TSPEAR: variants seen among roughly 807,000 people sequenced by gnomAD.
TSPEAR encodes the protein thrombospondin type laminin G domain and EAR repeats.
A neutral mutation model predicts 71.6 loss-of-function variants in TSPEAR; 69 were observed. The observed-to-expected ratio is 0.96, with a 90% confidence interval of 0.79 to 1.18. The LOEUF (loss-of-function observed/expected upper bound fraction) is 1.18, where lower values mean the gene tolerates loss of function less well. Among genes scored for constraint, TSPEAR ranks in the 50% most tolerant of loss-of-function variants. TSPEAR has a pLI of 0.00. For missense variants in TSPEAR, 971 were observed against 894.9 expected (o/e 1.09, Z -1.09); for synonymous variants, 402 against 387.2 (o/e 1.04, Z -0.45).
At chr21:44,598,623 G>A (rs1054663786) in intron 1 of TSPEAR, among the ~76,000 whole-genome samples, 15 of 152,058 alleles carry the variant, frequency 9.9e-5, no homozygotes, top group Admixed American at 3.9e-4. Context: ...CACTTCCGCC[G>A]CTTCCAAAAC....
intron 1 of TSPEAR, among the ~76,000 whole-genome samples, chr21:44,608,460 C>T (rs139132589): frequency 5.1e-4 from 78 of 152,208 alleles, no homozygotes; most frequent in African/African-American, 1.5e-3. Context: ...TTTTTGTTTT[C>T]GTTACAAAAA....
At chr21:44,562,363 T>C (rs2053649025) in intron 2 of TSPEAR, among the ~76,000 whole-genome samples, 1 of 152,206 alleles carries the variant, frequency 6.6e-6, no homozygotes, top group Non-Finnish European at 1.5e-5. Flanking sequence ...CATTCCATCC[T>C]CATGGATAGG....
At position 44,509,526 on chromosome 21, in the gene TSPEAR, TGTGGGTGAGCGGGC is replaced by T. The variant is rs1555912379; in HGVS notation, c.1567-154_1567-141del. ...AGGTGTGGGGGAGGGGGCGCAGAGG[TGTGGGTGAGCGGGC>T]GCAGAGGTGTGGGTGAGCGGGCGCA... On this transcript the variant is annotated intron_variant, in intron 9 of 11. Transcript: ENST00000323084. 9.2e-6 allele frequency: 5 copies of T among 545,524 alleles called. No individual in the cohort carries two copies. The African/African-American group carries it at 1.3e-4, about 14-fold the overall frequency. 33.8% of individuals were successfully genotyped at this position (545,524 alleles called of 1,614,324 possible).
At position 44,533,720 on chromosome 21, in the gene TSPEAR, G is replaced by A. The variant is rs782151349; in HGVS notation, c.507C>T (p.Phe169=). 1.2e-6 allele frequency: 2 copies of A among 1,611,530 alleles called. No homozygotes were observed. ...GGAGGCCGCAGTCCGTGGTGAGGGA[G>A]AAGACGCCTGCGGACACAGCCAGGA... ...TLVLAVSAGV[F]SLTTDCGLPV... is the part of the protein sequence containing the mutation. The change falls in exon 3 of 12, where the codon TTC becomes TTT. Residue 169 remains phenylalanine, a synonymous_variant. Coordinates refer to ENST00000323084, the MANE Select transcript of TSPEAR (RefSeq NM_144991.3).
chr21:44,670,776 C>A (rs1227287705), intron 1 of TSPEAR, among the ~76,000 whole-genome samples: 1 of 152,174 alleles, frequency 6.6e-6, no homozygotes, highest in African/African-American at 2.4e-5. Flanking sequence ...TTTGAGAGCC[C>A]AGCCCCTAAA....
chr21:44,689,565 C>T (rs191340843), intron 1 of TSPEAR, among the ~76,000 whole-genome samples: 1 of 150,294 alleles, frequency 6.7e-6, no homozygotes, highest in Non-Finnish European at 1.5e-5. Flanking sequence ...ATCTACCAAA[C>T]AAGGACAAGA....
intron 2 of TSPEAR, among the ~76,000 whole-genome samples, chr21:44,541,153 A>T (rs1158438470): frequency 6.6e-6 from 1 of 152,052 alleles, no homozygotes; most frequent in Non-Finnish European, 1.5e-5. Flanking sequence ...CTTCAAACGT[A>T]AGCTGCATGT....
chr21:44,685,389 A>G (rs1307368999), intron 1 of TSPEAR, among the ~76,000 whole-genome samples: 3 of 151,924 alleles, frequency 2.0e-5, no homozygotes, highest in Non-Finnish European at 2.9e-5. Context: ...TCCCAAGTTC[A>G]GGGGCATCCT....
chr21:44,654,792 A>C (rs1985038205), intron 1 of TSPEAR: 1 of 581,642 alleles, frequency 1.7e-6, no homozygotes, highest in Non-Finnish European at 3.1e-6. Context: ...TTTTCTGTTG[A>C]GGTTACTCAG....
chr21:44,620,572 T>A (rs1982376368), intron 1 of TSPEAR, among the ~76,000 whole-genome samples: 1 of 152,248 alleles, frequency 6.6e-6, no homozygotes, highest in Non-Finnish European at 1.5e-5. Context: ...CTTTAATCAG[T>A]CTAGACAGAG....
At position 44,711,346 on chromosome 21, in the gene TSPEAR, G is replaced by T; in HGVS notation, c.82+87C>A. The T allele has an allele frequency of 2.4e-6, 3 of 1,264,032 alleles. No individual in the cohort carries two copies. Among genetic ancestry groups the T allele is most frequent in the African/African-American group, 1.5e-5 (1 of 67,644 alleles). 78.3% of individuals were successfully genotyped at this position (1,264,032 alleles called of 1,614,324 possible). Reference sequence around the variant, plus strand: ...TCCTCGGGCACCGCGGCTTGAATCAGTGTTAGAAAGTGGCATTTGTGACTC... The same window carrying T: ...TCCTCGGGCACCGCGGCTTGAATCATTGTTAGAAAGTGGCATTTGTGACTC... On this transcript the variant is annotated intron_variant, in intron 1 of 11. Transcript: ENST00000323084. This position sits in a 1 kb window ranked among gnomAD's most constrained non-coding sequence, Gnocchi z 4.5.
intron 1 of TSPEAR, among the ~76,000 whole-genome samples, chr21:44,680,703 C>T (rs966457439): frequency 6.6e-5 from 10 of 152,132 alleles, no homozygotes; most frequent in Non-Finnish European, 8.8e-5. Context: ...GAATCTTATT[C>T]GGCCATAAAA....
intron 1 of TSPEAR, chr21:44,681,633 C>A: frequency 3.2e-6 from 2 of 627,958 alleles, no homozygotes; most frequent in East Asian, 2.8e-5. Flanking sequence ...GACTCTGGGA[C>A]CCCAGACTTC....
intron 11 of TSPEAR, among the ~76,000 whole-genome samples, chr21:44,503,273 C>A (rs1158906716): frequency 7.2e-6 from 1 of 138,788 alleles, no homozygotes; most frequent in Non-Finnish European, 1.5e-5. Flanking sequence ...TGGGAGGAAG[C>A]TGGCCTCGGT....
At chr21:44,557,567 G>A (rs2053553257) in intron 2 of TSPEAR, among the ~76,000 whole-genome samples, 1 of 152,164 alleles carries the variant, frequency 6.6e-6, no homozygotes, top group Non-Finnish European at 1.5e-5. Flanking sequence ...CCGGGTGGGT[G>A]TGGGGGATTC....
chr21:44,503,035 G>T (rs1176839369), intron 11 of TSPEAR, among the ~76,000 whole-genome samples: 1 of 142,828 alleles, frequency 7.0e-6, no homozygotes, highest in East Asian at 2.1e-4. Context: ...GAGCCCTCGG[G>T]GGGAAGCAAG....
chr21:44,637,597 C>A (rs782317035), intron 1 of TSPEAR: 3 of 1,613,916 alleles, frequency 1.9e-6, no homozygotes, highest in Admixed American at 1.7e-5. Context: ...GTGAGCCCAG[C>A]GCCTGCCAAT....
chr21:44,567,867 G>C lies in TSPEAR; in HGVS notation c.221C>G (p.Ser74Cys), dbSNP rs782035031. 1.2e-6 allele frequency: 2 copies of C among 1,608,804 alleles called. No homozygotes were observed. The highest frequency in any genetic ancestry group is 2.2e-5 in the South Asian group (2 of 90,256). The change falls in exon 2 of 12, where the codon TCC becomes TGC. Residue 74 changes from serine to cysteine, a missense_variant. Coordinates refer to ENST00000323084, the MANE Select transcript of TSPEAR (RefSeq NM_144991.3). ...GAGGTCACACTGGGAGAAAATCCTG[G>C]ATGCTGGGAAGCTCATGGTGCGGGG... ...AAPRTMSFPA[S>C]RIFSQCDLFP... is the part of the protein sequence containing the mutation.
At chr21:44,533,588 G>A in intron 3 of TSPEAR, 97 bp downstream of exon 3, 1 of 1,040,538 alleles carries the variant, frequency 9.6e-7, no homozygotes, top group Non-Finnish European at 1.4e-6. Context: ...CCCCAGGACA[G>A]CTCCTGCAGG....
Sources: allele counts gnomAD v4.1 joint callset (sites outside exome capture counted in the v4.1 genomes callset), GRCh38; gene constraint gnomAD v4.1.1; non-coding constraint Gnocchi (gnomAD v3.1); transcripts MANE v1.5; gene names NCBI Gene and HGNC (gene_info 2026-07-23, HGNC 2026-07-21).